The following SLC17A6 variants were observed in gnomAD, a reference collection of about 807,000 sequenced individuals.
SLC17A6 encodes solute carrier family 17 member 6, also known as vesicular glutamate transporter 2.
Under a neutral mutation model 67.1 loss-of-function variants are expected in SLC17A6, and 35 were observed. The ratio of observed to expected loss-of-function variants is 0.52; its 90% CI spans 0.40 to 0.69. The LOEUF (loss-of-function observed/expected upper bound fraction) is 0.69, where lower values mean the gene tolerates loss of function less well. Among genes scored for constraint, SLC17A6 ranks in the 30% least tolerant of loss-of-function variants. The probability of loss-of-function intolerance (pLI) is 0.00; values close to 1 mark genes in which losing one functional copy is unlikely to be tolerated. For synonymous variants in SLC17A6, 285 were observed against 252.3 expected, an observed-to-expected ratio of 1.13 and a Z score of -1.23; for missense variants, 588 against 723.9, an observed-to-expected ratio of 0.81 and a Z score of 2.15.
At chr11:22,341,123 G>A (rs963336439) in intron 1 of SLC17A6, among the ~76,000 whole-genome samples, 1 of 152,200 alleles carries the variant, frequency 6.6e-6, no homozygotes, top group African/African-American at 2.4e-5. Flanking sequence ...TGCTGGGCGC[G>A]TGTAGGAGTG....
At chr11:22,359,771 A>G (rs1856028728) in intron 4 of SLC17A6, among the ~76,000 whole-genome samples, 2 of 150,780 alleles carry the variant, frequency 1.3e-5, no homozygotes, top group South Asian at 4.3e-4. Context: ...GAAATATTTT[A>G]ATGCCTATTT....
chr11:22,369,105 C>T (rs1405798121), intron 7 of SLC17A6, among the ~76,000 whole-genome samples: 1 of 151,914 alleles, frequency 6.6e-6, no homozygotes, highest in Non-Finnish European at 1.5e-5. Context: ...CCCAAGTTAA[C>T]TTTTAACAAA....
At chr11:22,374,288 AT>A (rs1338378075) in intron 8 of SLC17A6, among the ~76,000 whole-genome samples, 7 of 152,182 alleles carry the variant, frequency 4.6e-5, no homozygotes, top group African/African-American at 1.7e-4. Context: ...CTCTATAGAA[AT>A]TATGTCTGTG....
chr11:22,369,691 A>T (rs865892751), intron 7 of SLC17A6, among the ~76,000 whole-genome samples: 1 of 151,916 alleles, frequency 6.6e-6, no homozygotes, highest in Admixed American at 6.6e-5. Flanking sequence ...TTTTGCTGAG[A>T]TATGGTCTAT....
Position 22,343,818 on chromosome 11 carries a change from C to T in SLC17A6, c.458+453C>T, listed in dbSNP as rs76583504. On this transcript the variant is annotated intron_variant, in intron 3 of 11. Coordinates refer to ENST00000263160, the MANE Select transcript of SLC17A6 (RefSeq NM_020346.3). The stretch of plus-strand genomic sequence containing the variant: ...AGGCGCCTCGAAGACCTGGCCCCGT[C>T]CCCCGCCCAGTTGGTGCTCTGGGTA... Among the ~76,000 whole-genome samples, 254 of 152,226 alleles carry T rather than the reference C, an allele frequency of 1.7e-3. 2 individuals carry two copies. The highest frequency in any genetic ancestry group is 6.0e-3 in the African/African-American group (249 of 41,538).
At chr11:22,360,825 G>T (rs1856044162) in intron 4 of SLC17A6, 72 bp from the exon 5 acceptor site, 11 of 1,317,132 alleles carry the variant, frequency 8.4e-6, no homozygotes, top group African/African-American at 2.9e-5. Flanking sequence ...GGGCAGGGAG[G>T]ATTTGTACAG....
At chr11:22,349,661 A>G (rs1013599347) in intron 3 of SLC17A6, among the ~76,000 whole-genome samples, 3 of 152,116 alleles carry the variant, frequency 2.0e-5, no homozygotes, top group African/African-American at 7.2e-5. Context: ...TGGTAGAGTG[A>G]TGCTCCTACT....
chr11:22,377,822 T>A lies in SLC17A6; in HGVS notation c.*82T>A. 8.6e-7 allele frequency: 1 copy of A among 1,167,388 alleles called. No homozygotes were observed. Among genetic ancestry groups the A allele is most frequent in the Non-Finnish European group, 1.2e-6 (1 of 842,954 alleles). The allele number at this position is 1,167,388 out of a possible 1,614,324, so 72.3% of individuals were successfully genotyped here. A position where few individuals can be genotyped will look rare whatever the true frequency, so the allele number is the denominator to read the frequency against. On this transcript the variant is annotated 3_prime_UTR_variant, in exon 12 of 12. Coordinates refer to ENST00000263160, the MANE Select transcript of SLC17A6 (RefSeq NM_020346.3). ...ACAAAAATTTTAAAAACACGTGATG[T>A]AAACTTGCAAGCATATCAACCAGGC...
intron 8 of SLC17A6, among the ~76,000 whole-genome samples, chr11:22,374,021 T>C (rs987288732): frequency 6.6e-6 from 1 of 152,218 alleles, no homozygotes; most frequent in African/African-American, 2.4e-5. Context: ...AGTCCACGTA[T>C]GCGGTAATAC....
intron 8 of SLC17A6, among the ~76,000 whole-genome samples, chr11:22,374,453 G>A (rs1288294543): frequency 6.6e-6 from 1 of 151,570 alleles, no homozygotes; most frequent in Non-Finnish European, 1.5e-5. Flanking sequence ...CACTAAGGGT[G>A]TATTCGTGCA....
chr11:22,348,131 G>A (rs1236624843), intron 3 of SLC17A6, among the ~76,000 whole-genome samples: 1 of 152,006 alleles, frequency 6.6e-6, no homozygotes, highest in Non-Finnish European at 1.5e-5. Flanking sequence ...GGTCACAAAG[G>A]GATTGTGACT....
At chr11:22,354,139 A>G (rs776712904) in intron 3 of SLC17A6, among the ~76,000 whole-genome samples, 92 of 151,514 alleles carry the variant, frequency 6.1e-4, no homozygotes, top group Non-Finnish European at 1.2e-3. Flanking sequence ...GCTGGAGTGC[A>G]GTGGCACGAT....
At chr11:22,352,012 C>G (rs1019910116) in intron 3 of SLC17A6, among the ~76,000 whole-genome samples, 4 of 152,058 alleles carry the variant, frequency 2.6e-5, no homozygotes, top group African/African-American at 2.4e-5. Context: ...ATGAAACAAG[C>G]ATAATATAAT....
At chr11:22,368,890 T>C (rs772925504) in intron 7 of SLC17A6, among the ~76,000 whole-genome samples, 1 of 152,048 alleles carries the variant, frequency 6.6e-6, no homozygotes, top group African/African-American at 2.4e-5. Flanking sequence ...TTTTTGTTTT[T>C]GTTTGTTTCT....
chr11:22,338,812 GGTGTGTGTGTGT>G lies in SLC17A6; in HGVS notation c.86+222_86+233del, dbSNP rs3047441. Among the ~76,000 whole-genome samples the G allele has an allele frequency of 1.0e-3, 136 of 136,330 alleles. 2 individuals carry two copies. The South Asian group carries it at 0.021, about 21-fold the overall frequency. 89.4% of individuals were successfully genotyped at this position (136,330 alleles called of 152,430 possible). On this transcript the variant is annotated intron_variant, in intron 1 of 11. Transcript: ENST00000263160. ...AATGTTGCACTAAATGAACCTGTCTGGTGTGTGTGTGTGTGTGTGTGTGTGTGTGTGTGTGTG... is the reference window on the plus strand; with the variant it reads ...AATGTTGCACTAAATGAACCTGTCTGGTGTGTGTGTGTGTGTGTGTGTGTG...
intron 8 of SLC17A6, among the ~76,000 whole-genome samples, chr11:22,371,805 C>G (rs997810003): frequency 1.3e-5 from 2 of 151,978 alleles, no homozygotes; most frequent in African/African-American, 4.8e-5. Flanking sequence ...TTCACACACA[C>G]AGATTGGTCT....
intron 3 of SLC17A6, among the ~76,000 whole-genome samples, chr11:22,355,490 A>G (rs1223419004): frequency 6.6e-6 from 1 of 152,048 alleles, no homozygotes; most frequent in East Asian, 1.9e-4. Context: ...CCTGGCTTTT[A>G]GACCCCTCTC....
intron 1 of SLC17A6, among the ~76,000 whole-genome samples, chr11:22,340,234 T>C (rs1223204232): frequency 1.3e-5 from 2 of 152,204 alleles, no homozygotes; most frequent in South Asian, 4.1e-4. Context: ...ACACGGTAGA[T>C]TGGAAAAAAT....
chr11:22,355,247 C>T (rs1431869004), intron 3 of SLC17A6, among the ~76,000 whole-genome samples: 2 of 152,112 alleles, frequency 1.3e-5, no homozygotes, highest in Non-Finnish European at 2.9e-5. Flanking sequence ...ATGCTCTGAA[C>T]CATTACCTAG....
Sources: gnomAD v4.1 joint callset for allele counts (sites outside exome capture counted in the v4.1 genomes callset) on GRCh38, gnomAD v4.1.1 for gene constraint, MANE v1.5 for transcripts, NCBI Gene and HGNC (gene_info 2026-07-23, HGNC 2026-07-21) for gene names.